Variants in GAS7 observed in about 807,000 individuals in gnomAD.
The protein encoded by GAS7 is growth arrest specific 7, also known as growth arrest-specific protein 7.
A neutral mutation model predicts 71.1 loss-of-function variants in GAS7; 28 were observed. The ratio of observed to expected loss-of-function variants is 0.39; its 90% CI spans 0.29 to 0.54. GAS7 has a LOEUF of 0.54. Among genes scored for constraint, GAS7 ranks in the 20% least tolerant of loss-of-function variants. The pLI, the probability that GAS7 is intolerant of heterozygous loss-of-function variation, is 0.62. For synonymous variants in GAS7, 258 were observed against 245.8 expected, an observed-to-expected ratio of 1.05 and a Z score of -0.46; for missense variants, 436 against 627.8, an observed-to-expected ratio of 0.69 and a Z score of 3.27.
At position 10,049,609 on chromosome 17, in the gene GAS7, C is replaced by CTTT. The variant is rs1168627510; in HGVS notation, c.184-29715_184-29713dup. Among the ~76,000 whole-genome samples the CTTT allele has an allele frequency of 4.7e-3, 330 of 70,426 alleles. 14 individuals carry two copies. Among genetic ancestry groups the CTTT allele is most frequent in the Non-Finnish European group, 6.6e-3 (239 of 36,036 alleles). 46.2% of individuals were successfully genotyped at this position (70,426 alleles called of 152,430 possible). ...TTTAAAACGTGTTTTGAAATTACTT[C>CTTT]TTTTTTTTTTTTTTTTTTTTTTTTT... On this transcript the variant is annotated intron_variant, in intron 1 of 13. Transcript: ENST00000432992.
chr17:10,070,341 C>CTTTTT (rs71365713), intron 1 of GAS7, among the ~76,000 whole-genome samples: 9 of 106,130 alleles, frequency 8.5e-5, no homozygotes, highest in East Asian at 2.8e-4. Flanking sequence ...TCTCTCTCTT[C>CTTTTT]TTTTTTTTTT....
chr17:9,924,288 T>C (rs2067918934), intron 11 of GAS7, among the ~76,000 whole-genome samples: 1 of 152,142 alleles, frequency 6.6e-6, no homozygotes, highest in Non-Finnish European at 1.5e-5. Context: ...ATCCTCCACC[T>C]TAGCCTCCTG....
intron 5 of GAS7, among the ~76,000 whole-genome samples, chr17:9,958,620 G>A (rs1431676413): frequency 5.3e-5 from 8 of 151,716 alleles, no homozygotes; most frequent in Non-Finnish European, 1.2e-4. Flanking sequence ...GAGCAGAGGT[G>A]GAGTGTGGGG....
At chr17:10,156,327 G>C (rs1261671500) in intron 1 of GAS7, among the ~76,000 whole-genome samples, 2 of 152,180 alleles carry the variant, frequency 1.3e-5, no homozygotes, top group Admixed American at 1.3e-4. Context: ...CTTGACTCAA[G>C]CCAGGCAGGA....
chr17:10,194,845 C>T (rs923713625), intron 1 of GAS7, among the ~76,000 whole-genome samples: 1 of 126,774 alleles, frequency 7.9e-6, no homozygotes, highest in African/African-American at 3.1e-5. Context: ...AGCAACAGTG[C>T]GAGACTCTGT....
At chr17:10,062,829 C>G (rs931785453) in intron 1 of GAS7, among the ~76,000 whole-genome samples, 2 of 152,194 alleles carry the variant, frequency 1.3e-5, no homozygotes, top group Admixed American at 1.3e-4. Flanking sequence ...GACACTAATT[C>G]CTAATGACCC....
At chr17:10,159,347 A>C (rs2074233613) in intron 1 of GAS7, among the ~76,000 whole-genome samples, 1 of 151,924 alleles carries the variant, frequency 6.6e-6, no homozygotes, top group East Asian at 1.9e-4. Context: ...GTCCACCAAA[A>C]ACATGTACGA....
chr17:10,121,182 A>G (rs2073901865), intron 1 of GAS7, among the ~76,000 whole-genome samples: 1 of 152,138 alleles, frequency 6.6e-6, no homozygotes, highest in Non-Finnish European at 1.5e-5. Context: ...GGAGTTTGAG[A>G]CCAGCCTGGC....
intron 3 of GAS7, among the ~76,000 whole-genome samples, chr17:9,979,983 G>A (rs2070353476): frequency 6.6e-6 from 1 of 152,066 alleles, no homozygotes; most frequent in Admixed American, 6.5e-5. Context: ...GTCTGAGATG[G>A]CAGCACTCAC....
intron 1 of GAS7, among the ~76,000 whole-genome samples, chr17:10,123,732 T>C (rs1463195488): frequency 6.6e-6 from 1 of 152,170 alleles, no homozygotes; most frequent in Non-Finnish European, 1.5e-5. Context: ...CGTCCAGGAA[T>C]AGACACCAGT....
chr17:9,983,449 CCA>C (rs2070513373), intron 2 of GAS7, among the ~76,000 whole-genome samples: 1 of 152,100 alleles, frequency 6.6e-6, no homozygotes, highest in Admixed American at 6.6e-5. Context: ...CATGATGGCG[CCA>C]CTACACTCCA....
At chr17:10,007,599 C>A (rs985259894) in intron 2 of GAS7, among the ~76,000 whole-genome samples, 12 of 131,618 alleles carry the variant, frequency 9.1e-5, no homozygotes, top group Non-Finnish European at 1.5e-4. Flanking sequence ...GCACTCCAGC[C>A]TGGGAGACAC....
chr17:9,926,987 C>T lies in GAS7; in HGVS notation c.886-218G>A, dbSNP rs914219009. 13 of 547,602 alleles carry T rather than the reference C, an allele frequency of 2.4e-5. No individual in the cohort carries two copies. Among genetic ancestry groups the T allele is most frequent in the South Asian group, 1.4e-4 (6 of 42,272 alleles). 33.9% of individuals were successfully genotyped at this position (547,602 alleles called of 1,614,324 possible). A position where few individuals can be genotyped will look rare whatever the true frequency, so the allele number is the denominator to read the frequency against. ...CCTTAGCTCAGGAGGCCCCCACACA[C>T]GTCTACAGGATAAGTGGTTAGCAAC... is the stretch of plus-strand genomic sequence containing the variant. On this transcript the variant is annotated intron_variant, in intron 9 of 13. Transcript: ENST00000432992. This position sits in a 1 kb window ranked among gnomAD's most constrained non-coding sequence, Gnocchi z 5.0.
At chr17:10,039,736 A>G (rs1178591184) in intron 1 of GAS7, 1 of 456,316 alleles carries the variant, frequency 2.2e-6, no homozygotes, top group Admixed American at 2.4e-5. Flanking sequence ...AGCAGGACTC[A>G]CTCACCATGG....
chr17:9,925,426 C>G, intron 11 of GAS7, 50 bp downstream of exon 11: 1 of 1,594,942 alleles, frequency 6.3e-7, no homozygotes, highest in Non-Finnish European at 8.6e-7. Context: ...AGCCCCGTGC[C>G]CTCTCCTTCT....
chr17:10,147,958 T>C (rs1472872999), intron 1 of GAS7, among the ~76,000 whole-genome samples: 1 of 152,156 alleles, frequency 6.6e-6, no homozygotes, highest in Non-Finnish European at 1.5e-5. Context: ...AATCACAAAT[T>C]CTGAACCTCC....
At chr17:10,080,528 C>A (rs190876855) in intron 1 of GAS7, among the ~76,000 whole-genome samples, 1 of 152,298 alleles carries the variant, frequency 6.6e-6, no homozygotes, top group Admixed American at 6.5e-5. Flanking sequence ...TCCCCAAATT[C>A]TTTCTTGCAT....
intron 8 of GAS7, 95 bp from the exon 9 acceptor site, chr17:9,934,339 G>A (rs2068316786): frequency 2.5e-6 from 2 of 802,642 alleles, no homozygotes; most frequent in South Asian, 1.5e-5. Context: ...GGAGGTATAT[G>A]ACAGCTGAGA....
At chr17:10,105,011 C>T (rs1431745351) in intron 1 of GAS7, among the ~76,000 whole-genome samples, 1 of 152,208 alleles carries the variant, frequency 6.6e-6, no homozygotes, top group Non-Finnish European at 1.5e-5. Context: ...AGCAATAAAG[C>T]CTGCCTCTGA....
Sources: gnomAD v4.1 joint callset for allele counts (sites outside exome capture counted in the v4.1 genomes callset) on GRCh38, gnomAD v4.1.1 for gene constraint, Gnocchi (gnomAD v3.1) non-coding constraint, MANE v1.5 for transcripts, NCBI Gene and HGNC (gene_info 2026-07-23, HGNC 2026-07-21) for gene names.